The following NFAT5 variants were observed in gnomAD, a reference collection of about 807,000 sequenced individuals.
The protein encoded by NFAT5 is nuclear factor of activated T cells 5, also known as nuclear factor of activated T-cells 5.
Under a neutral mutation model 166.5 loss-of-function variants are expected in NFAT5, and 31 were observed. That is an observed-to-expected ratio of 0.19 (90% CI 0.14 to 0.25). The LOEUF is 0.25. Among genes scored for constraint, NFAT5 ranks in the 10% least tolerant of loss-of-function variants. NFAT5 has a pLI of 1.00. For missense variants in NFAT5, 1,449 were observed against 1,821.8 expected (o/e 0.80, Z 3.72); for synonymous variants, 612 against 639.7 (o/e 0.96, Z 0.65).
intron 10 of NFAT5, 110 bp from the exon 11 acceptor site, chr16:69,684,777 T>C (rs1374064560): frequency 8.5e-6 from 6 of 702,382 alleles, no homozygotes; most frequent in Non-Finnish European, 1.4e-5. Context: ...TTCTGCTAAA[T>C]AAATAATTAA....
intron 2 of NFAT5, among the ~76,000 whole-genome samples, chr16:69,590,528 A>G (rs1271712022): frequency 3.9e-5 from 6 of 152,254 alleles, no homozygotes; most frequent in Non-Finnish European, 7.3e-5. Context: ...ATTGTTATTC[A>G]TAGCTACTTT....
Position 69,583,300 on chromosome 16 carries a change from A to G in NFAT5, c.127+14752A>G, listed in dbSNP as rs562724680. 9.2e-5 allele frequency among the ~76,000 whole-genome samples: 14 copies of G among 152,156 alleles called. 1 individual carries two copies. The Middle Eastern group carries it at 0.014, about 148-fold the overall frequency. Reference sequence around the variant, plus strand: ...CTGTAGTCTTGAACTCCTGGGCTAAAGCAATCCTCCTGCCTCAGCCTCCTG... The same window carrying G: ...CTGTAGTCTTGAACTCCTGGGCTAAGGCAATCCTCCTGCCTCAGCCTCCTG... On this transcript the variant is annotated intron_variant, in intron 2 of 14. Transcript: ENST00000349945.
rs564994867 is a variant in NFAT5, at chr16:69,579,752, T to C, written c.127+11204T>C. ...AATGGTAAAGATGATAATAGGCAGA[T>C]CAGAAGTCCCACATATTTATCAGGG... On this transcript the variant is annotated intron_variant, in intron 2 of 14. Transcript: ENST00000349945. Among the ~76,000 whole-genome samples the C allele has an allele frequency of 1.7e-3, 259 of 152,292 alleles. 3 individuals are homozygous for C. The Middle Eastern group carries it at 0.058, about 34-fold the overall frequency.
At chr16:69,624,905 A>ATTT (rs2034382198) in intron 2 of NFAT5, among the ~76,000 whole-genome samples, 10 of 145,604 alleles carry the variant, frequency 6.9e-5, no homozygotes, top group Admixed American at 2.7e-4. Context: ...CTTTTTTTTA[A>ATTT]AAAAAAAAAA....
At chr16:69,632,480 G>C (rs1042820644) in intron 3 of NFAT5, 5 of 152,096 alleles carry the variant, frequency 3.3e-5, no homozygotes, top group African/African-American at 1.2e-4. Flanking sequence ...GAGTTGAAAA[G>C]CCATACCTCT....
intron 7 of NFAT5, among the ~76,000 whole-genome samples, chr16:69,660,747 C>T (rs1330274796): frequency 6.6e-6 from 1 of 151,774 alleles, no homozygotes; most frequent in Non-Finnish European, 1.5e-5. Context: ...TGTAGTTTCT[C>T]TCTAATGATT....
chr16:69,635,544 A>G (rs185331818), intron 3 of NFAT5, among the ~76,000 whole-genome samples: 1 of 152,194 alleles, frequency 6.6e-6, no homozygotes, highest in Non-Finnish European at 1.5e-5. Context: ...CACACTGCTG[A>G]TAAAGACATA....
intron 3 of NFAT5, among the ~76,000 whole-genome samples, chr16:69,627,727 A>G (rs1231570185): frequency 6.6e-6 from 1 of 152,302 alleles, no homozygotes; most frequent in South Asian, 2.1e-4. Context: ...ATGTGTTGCC[A>G]GACACTTTCT....
chr16:69,574,725 G>C (rs2016640668), intron 2 of NFAT5, among the ~76,000 whole-genome samples: 1 of 151,448 alleles, frequency 6.6e-6, no homozygotes, highest in Admixed American at 6.6e-5. Flanking sequence ...CTGGAGTGCA[G>C]TGGCACAATC....
chr16:69,568,457 C>T lies in NFAT5; in HGVS notation c.74-38C>T, dbSNP rs760055480. ...TATCCTTGGCATTTTTTTCCTCATTCAGCATAAAAAGTACCTAATGCTTTT... is the reference window on the plus strand; with the variant it reads ...TATCCTTGGCATTTTTTTCCTCATTTAGCATAAAAAGTACCTAATGCTTTT... On this transcript the variant is annotated intron_variant, in intron 1 of 14. Transcript: ENST00000349945. 17 of 1,583,118 alleles carry T rather than the reference C, an allele frequency of 1.1e-5. No individual in the cohort carries two copies. The South Asian group carries it at 1.2e-4, about 12-fold the overall frequency.
At chr16:69,661,194 T>C (rs758114398) in intron 7 of NFAT5, among the ~76,000 whole-genome samples, 45 of 150,524 alleles carry the variant, frequency 3.0e-4, no homozygotes, top group Non-Finnish European at 4.9e-4. Context: ...TCTCTCTTCC[T>C]GTTTCCTTCT....
At chr16:69,580,205 TATGTA>T (rs894247309) in intron 2 of NFAT5, among the ~76,000 whole-genome samples, 5 of 152,008 alleles carry the variant, frequency 3.3e-5, no homozygotes, top group South Asian at 2.1e-4. Flanking sequence ...TTACTTTTAA[TATGTA>T]ATGTAATGTA....
chr16:69,695,215 A>G lies in NFAT5; in HGVS notation c.4494A>G (p.Gln1498=). 1.9e-6 allele frequency: 3 copies of G among 1,614,182 alleles called. No homozygotes were observed. The highest frequency in any genetic ancestry group is 2.5e-6 in the Non-Finnish European group (3 of 1,180,034). The change falls in exon 14 of 15, where the codon CAA becomes CAG. Residue 1498 remains glutamine (Q), a synonymous_variant. Transcript: ENST00000349945. ...CCATAAGTCAGCCAGGCCAACCACA[A>G]AACGAGGGCCAGCCACCTGTGACAA... ...LMAISQPGQP[Q]NEGQPPVTTL...
At chr16:69,661,399 C>T (rs1441968458) in intron 7 of NFAT5, among the ~76,000 whole-genome samples, 3 of 146,512 alleles carry the variant, frequency 2.0e-5, no homozygotes, top group Non-Finnish European at 4.5e-5. Context: ...AAAAAAAAGC[C>T]AGGCATGGTG....
At chr16:69,626,286 T>C (rs2034456226) in intron 2 of NFAT5, 117 bp from the exon 3 acceptor site, 1 of 906,500 alleles carries the variant, frequency 1.1e-6, no homozygotes, top group African/African-American at 1.7e-5. Context: ...TGTGGGATTG[T>C]TTGTGAATAA....
intron 2 of NFAT5, among the ~76,000 whole-genome samples, chr16:69,596,657 G>T (rs2032809771): frequency 6.6e-6 from 1 of 150,930 alleles, no homozygotes; most frequent in Non-Finnish European, 1.5e-5. Context: ...GGCAGAGGTT[G>T]CAGTGAGCCG....
intron 7 of NFAT5, among the ~76,000 whole-genome samples, chr16:69,660,232 G>A (rs2036063439): frequency 6.6e-6 from 1 of 152,190 alleles, no homozygotes; most frequent in African/African-American, 2.4e-5. Flanking sequence ...ACCAGCCTGG[G>A]CAATGTAGTG....
At chr16:69,599,663 C>G (rs996456242) in intron 2 of NFAT5, among the ~76,000 whole-genome samples, 5 of 152,120 alleles carry the variant, frequency 3.3e-5, no homozygotes, top group African/African-American at 1.2e-4. Flanking sequence ...AGAGCATGAT[C>G]ATAGTGATTT....
chr16:69,694,000 T>A lies in NFAT5; in HGVS notation c.4175T>A (p.Leu1392His). The A allele has an allele frequency of 1.2e-6, 2 of 1,614,202 alleles. No individual in the cohort carries two copies. The highest frequency in any genetic ancestry group is 1.7e-6 in the Non-Finnish European group (2 of 1,180,028). Residue 1392 changes from leucine (L) to histidine (H), a missense_variant, in exon 13 of 15, where the codon CTC becomes CAC. Leu to His is a moderately conservative substitution (Grantham distance 99). Transcript: ENST00000349945. Reference protein sequence around the residue: ...SPSSQEQQVTLFLSPASMSAL... With the variant: ...SPSSQEQQVTHFLSPASMSAL... ...AGTTCTCAAGAGCAGCAAGTAACTCTCTTCTTATCTCCAGCATCCATGTCT... is the reference window on the plus strand; with the variant it reads ...AGTTCTCAAGAGCAGCAAGTAACTCACTTCTTATCTCCAGCATCCATGTCT...
Sources: allele counts gnomAD v4.1 joint callset (sites outside exome capture counted in the v4.1 genomes callset), GRCh38; gene constraint gnomAD v4.1.1; transcripts MANE v1.5; gene names NCBI Gene and HGNC (gene_info 2026-07-23, HGNC 2026-07-21).